KAZN: variants seen among roughly 807,000 people sequenced by gnomAD.
The protein encoded by KAZN is kazrin, periplakin interacting protein.
A neutral mutation model predicts 87.4 loss-of-function variants in KAZN; 40 were observed. The observed-to-expected ratio is 0.46, with a 90% CI of 0.36 to 0.60. The LOEUF is 0.60. Among genes scored for constraint, KAZN ranks in the 20% least tolerant of loss-of-function variants. The probability of loss-of-function intolerance (pLI) is 0.00; values close to 1 mark genes in which losing one functional copy is unlikely to be tolerated. For missense variants in KAZN, 898 were observed against 1,073.9 expected (o/e 0.84, Z 2.29); for synonymous variants, 466 against 458.3 (o/e 1.02, Z -0.22).
intron 2 of KAZN, among the ~76,000 whole-genome samples, chr1:14,552,006 T>C (rs929453297): frequency 1.3e-5 from 2 of 152,172 alleles, no homozygotes; most frequent in African/African-American, 2.4e-5. Flanking sequence ...CCTTTCTTTC[T>C]TTTTTTCTTA....
At chr1:14,274,918 T>C (rs2100694198) in intron 2 of KAZN, among the ~76,000 whole-genome samples, 1 of 152,214 alleles carries the variant, frequency 6.6e-6, no homozygotes, top group Admixed American at 6.5e-5. Context: ...CATTTCTTAT[T>C]TGAGATTATG....
Position 14,773,210 on chromosome 1 carries a change from A to G in KAZN, c.226+173987A>G, listed in dbSNP as rs1373669091. Reference sequence around the variant, plus strand: ...TTTCACAATTATCTTCAGGACAAAGACGGCCCCAACACTTCCGGAAGAGAT... The same window carrying G: ...TTTCACAATTATCTTCAGGACAAAGGCGGCCCCAACACTTCCGGAAGAGAT... On this transcript the variant is annotated intron_variant, in intron 1 of 14. Transcript: ENST00000376030. The surrounding 1 kb of genome is among the most constrained non-coding windows in gnomAD (Gnocchi z 5.9). Among the ~76,000 whole-genome samples, 3 of 152,044 alleles carry G rather than the reference A, an allele frequency of 2.0e-5. No individual in the cohort carries two copies. The highest frequency in any genetic ancestry group is 3.9e-4 in the East Asian group (2 of 5,168).
intron 2 of KAZN, among the ~76,000 whole-genome samples, chr1:14,444,575 AG>A (rs1183246244): frequency 6.6e-6 from 1 of 152,066 alleles, no homozygotes; most frequent in Non-Finnish European, 1.5e-5. Flanking sequence ...GGCCTCCCAA[AG>A]TGTTGGGATT....
chr1:14,741,954 G>A (rs891942872), intron 1 of KAZN, among the ~76,000 whole-genome samples: 2 of 151,836 alleles, frequency 1.3e-5, no homozygotes, highest in Non-Finnish European at 2.9e-5. Context: ...TTTTTTTTGG[G>A]TTGTTTTTTG....
chr1:13,897,374 A>G (rs928223482), intron 1 of KAZN, among the ~76,000 whole-genome samples: 1 of 152,332 alleles, frequency 6.6e-6, no homozygotes, highest in African/African-American at 2.4e-5. Context: ...ATCAAGCCTG[A>G]GAGTGTGGCT....
At chr1:14,957,643 G>A (rs529043096) in intron 1 of KAZN, among the ~76,000 whole-genome samples, 1 of 152,308 alleles carries the variant, frequency 6.6e-6, no homozygotes, top group South Asian at 2.1e-4. Flanking sequence ...CTGTGACAGT[G>A]AGGCTGAGAC....
chr1:14,624,628 C>G (rs1241684007), intron 1 of KAZN, among the ~76,000 whole-genome samples: 1 of 152,062 alleles, frequency 6.6e-6, no homozygotes, highest in East Asian at 1.9e-4. Context: ...CTCCAGCCAC[C>G]ATGCATGGCC....
chr1:14,515,157 G>T (rs964536249), intron 2 of KAZN, among the ~76,000 whole-genome samples: 6 of 152,090 alleles, frequency 3.9e-5, no homozygotes, highest in African/African-American at 1.4e-4. Context: ...TCTTACCAAT[G>T]AAATCAGGAA....
chr1:14,337,187 C>T (rs1181145528), intron 2 of KAZN, among the ~76,000 whole-genome samples: 1 of 152,206 alleles, frequency 6.6e-6, no homozygotes, highest in Non-Finnish European at 1.5e-5. Context: ...TTATTTGAAG[C>T]TAGCACAAGT....
intron 2 of KAZN, among the ~76,000 whole-genome samples, chr1:14,485,287 C>T (rs745860052): frequency 1.3e-5 from 2 of 152,186 alleles, no homozygotes; most frequent in Non-Finnish European, 2.9e-5. Context: ...TTGCAAGGGA[C>T]ATCTTAAAAG....
intron 1 of KAZN, among the ~76,000 whole-genome samples, chr1:14,765,485 G>A (rs755418032): frequency 6.6e-6 from 1 of 152,220 alleles, no homozygotes; most frequent in Non-Finnish European, 1.5e-5. Context: ...CAGAGGTGGG[G>A]TTTCAATTGA....
At chr1:14,952,053 G>C (rs769534263) in intron 1 of KAZN, among the ~76,000 whole-genome samples, 4 of 152,138 alleles carry the variant, frequency 2.6e-5, no homozygotes, top group Non-Finnish European at 5.9e-5. Context: ...CCTACATGGG[G>C]TCATGAGATG....
chr1:14,798,364 G>A (rs562980886), intron 1 of KAZN, among the ~76,000 whole-genome samples: 389 of 148,548 alleles, frequency 2.6e-3, no homozygotes, highest in African/African-American at 9.0e-3. Flanking sequence ...TCTCCACAAA[G>A]AAATCAATAG....
chr1:14,226,576 A>C (rs1216546961), intron 2 of KAZN, among the ~76,000 whole-genome samples: 2 of 152,218 alleles, frequency 1.3e-5, no homozygotes, highest in African/African-American at 4.8e-5. Context: ...AATATAAGTC[A>C]TTCTACCATA....
chr1:15,040,153 A>G (rs1192607083), intron 3 of KAZN, among the ~76,000 whole-genome samples: 5 of 152,244 alleles, frequency 3.3e-5, no homozygotes, highest in Non-Finnish European at 7.3e-5. Context: ...GTTTAGAGCC[A>G]GTTTGGCAAA....
intron 1 of KAZN, among the ~76,000 whole-genome samples, chr1:13,989,104 G>A (rs1326502455): frequency 6.6e-6 from 1 of 152,100 alleles, no homozygotes; most frequent in Non-Finnish European, 1.5e-5. Context: ...AAAGGGGACT[G>A]AACTCACCCT....
At chr1:14,736,895 G>A (rs1217087992) in intron 1 of KAZN, among the ~76,000 whole-genome samples, 6 of 152,192 alleles carry the variant, frequency 3.9e-5, no homozygotes, top group Non-Finnish European at 5.9e-5. Context: ...CCAGCTGTAT[G>A]CCAGGTGCTG....
intron 2 of KAZN, among the ~76,000 whole-genome samples, chr1:14,295,347 C>T (rs1416628): frequency 0.41 from 62,595 of 152,044 alleles, 13,998 homozygotes; most frequent in Non-Finnish European, 0.52. Flanking sequence ...CATATTCTGC[C>T]TCTCCTTCCC....
Position 15,002,121 on chromosome 1 carries a change from C to G in KAZN, c.419-32628C>G, listed in dbSNP as rs544954469. Reference sequence around the variant, plus strand: ...GGTCTCGATCTCCTGACCTTGTGATCCACCCGCCTCGTCCTCCCAAAGTGC... The same window carrying G: ...GGTCTCGATCTCCTGACCTTGTGATGCACCCGCCTCGTCCTCCCAAAGTGC... On this transcript the variant is annotated intron_variant, in intron 2 of 14. Transcript: ENST00000376030. 6.2e-4 allele frequency among the ~76,000 whole-genome samples: 95 copies of G among 152,186 alleles called. 1 individual carries two copies. The highest frequency in any genetic ancestry group is 1.0e-3 in the Non-Finnish European group (69 of 67,998).
Sources: gnomAD v4.1 joint callset for allele counts (sites outside exome capture counted in the v4.1 genomes callset) on GRCh38, gnomAD v4.1.1 for gene constraint, Gnocchi (gnomAD v3.1) non-coding constraint, MANE v1.5 for transcripts, NCBI Gene and HGNC (gene_info 2026-07-23, HGNC 2026-07-21) for gene names.